The following FHIT variants were observed in gnomAD, a reference collection of about 807,000 sequenced individuals.
FHIT encodes fragile histidine triad diadenosine triphosphatase.
FHIT carries 19 observed loss-of-function variants against 17.9 expected under a neutral mutation model. That is an observed-to-expected ratio of 1.06 (90% CI 0.74 to 1.56). The LOEUF (loss-of-function observed/expected upper bound fraction) is 1.56, where lower values mean the gene tolerates loss of function less well. FHIT is among the 40% of genes most tolerant of loss of function. The pLI, the probability that FHIT is intolerant of heterozygous loss-of-function variation, is 0.00. For missense variants in FHIT, 248 were observed against 189.2 expected, an observed-to-expected ratio of 1.31 and a Z score of -1.82; for synonymous variants, 81 against 69.7, an observed-to-expected ratio of 1.16 and a Z score of -0.81.
At chr3:60,968,684 T>C (rs773199727) in intron 3 of FHIT, among the ~76,000 whole-genome samples, 1 of 152,198 alleles carries the variant, frequency 6.6e-6, no homozygotes, top group Non-Finnish European at 1.5e-5. Context: ...GTGCTGGGAA[T>C]ACAGGCCGCC....
chr3:60,510,253 G>T (rs2034898453), intron 5 of FHIT, among the ~76,000 whole-genome samples: 1 of 152,160 alleles, frequency 6.6e-6, no homozygotes, highest in African/African-American at 2.4e-5. Context: ...GTTAAGCCAG[G>T]ATTGATGGGT....
At chr3:59,995,251 CA>C (rs1021805972) in intron 7 of FHIT, among the ~76,000 whole-genome samples, 3 of 151,988 alleles carry the variant, frequency 2.0e-5, no homozygotes, top group African/African-American at 7.2e-5. Context: ...AAGTTAACTT[CA>C]AATTCAATTC....
intron 5 of FHIT, among the ~76,000 whole-genome samples, chr3:60,466,863 T>C (rs372819): frequency 1.3e-5 from 2 of 151,582 alleles, no homozygotes; most frequent in African/African-American, 2.4e-5. Context: ...GTCTGGTTTT[T>C]GTATCAGGGT....
At chr3:61,056,994 G>A (rs1167570562) in intron 2 of FHIT, among the ~76,000 whole-genome samples, 5 of 152,180 alleles carry the variant, frequency 3.3e-5, no homozygotes, top group African/African-American at 7.2e-5. Flanking sequence ...AGTAGGGGTG[G>A]AGTACATATG....
intron 3 of FHIT, among the ~76,000 whole-genome samples, chr3:60,950,144 T>C (rs1443197352): frequency 6.6e-6 from 1 of 152,206 alleles, no homozygotes; most frequent in Non-Finnish European, 1.5e-5. Flanking sequence ...TAGTATTCAG[T>C]AAAGTGATGC....
intron 5 of FHIT, among the ~76,000 whole-genome samples, chr3:60,017,194 T>C (rs1204597973): frequency 6.6e-6 from 1 of 152,122 alleles, no homozygotes; most frequent in Non-Finnish European, 1.5e-5. Context: ...CTGTTTTCAT[T>C]AAATAGAAGG....
intron 3 of FHIT, among the ~76,000 whole-genome samples, chr3:60,860,458 GTACATATATATGTATA>G (rs1703671635): frequency 8.5e-6 from 1 of 118,266 alleles, no homozygotes. Flanking sequence ...TGATACATAT[GTACATATATATGTATA>G]TATGATACAT....
chr3:60,012,607 C>T (rs1351188212), intron 6 of FHIT, among the ~76,000 whole-genome samples: 1 of 152,090 alleles, frequency 6.6e-6, no homozygotes. Flanking sequence ...TATTAGACTG[C>T]ACAGAATGAG....
intron 2 of FHIT, among the ~76,000 whole-genome samples, chr3:61,128,630 C>G (rs910000240): frequency 1.3e-5 from 2 of 152,174 alleles, no homozygotes; most frequent in African/African-American, 4.8e-5. Flanking sequence ...CCAAAAGCAG[C>G]AGCCATCATT....
intron 1 of FHIT, among the ~76,000 whole-genome samples, chr3:61,220,658 T>C (rs1205184089): frequency 6.6e-6 from 1 of 152,208 alleles, no homozygotes; most frequent in South Asian, 2.1e-4. Context: ...TCTTGTTCTA[T>C]ATTAAATCTA....
At chr3:59,993,213 G>T (rs577984431) in intron 7 of FHIT, among the ~76,000 whole-genome samples, 4 of 152,146 alleles carry the variant, frequency 2.6e-5, no homozygotes, top group Non-Finnish European at 5.9e-5. Flanking sequence ...ACGACATGTT[G>T]CCTCCTATTT....
In FHIT at chr3:59,749,262, T is replaced by C. The variant is rs916222734; in HGVS notation, c.*323A>G. 3.9e-5 allele frequency: 9 copies of C among 230,502 alleles called. No individual in the cohort carries two copies. The highest frequency in any genetic ancestry group is 1.2e-3 in the Middle Eastern group (1 of 802). The allele number at this position is 230,502 out of a possible 1,614,324, so 14.3% of individuals were successfully genotyped here. On this transcript the variant is annotated 3_prime_UTR_variant, in exon 10 of 10. Coordinates refer to ENST00000492590, the MANE Select transcript of FHIT (RefSeq NM_002012.4). The stretch of plus-strand genomic sequence containing the variant: ...TTTAAAAAAGTAACTGTAACTGTAA[T>C]AGGTTTGTTGCCTAATTCATGGCAA...
At chr3:59,758,093 G>T (rs73092694) in intron 8 of FHIT, among the ~76,000 whole-genome samples, 1 of 152,090 alleles carries the variant, frequency 6.6e-6, no homozygotes, top group Admixed American at 6.5e-5. Flanking sequence ...TGGGGCAGGG[G>T]GAGACAAAAT....
At chr3:60,391,709 A>G (rs1701241303) in intron 5 of FHIT, among the ~76,000 whole-genome samples, 1 of 152,222 alleles carries the variant, frequency 6.6e-6, no homozygotes, top group Non-Finnish European at 1.5e-5. Context: ...GGTTACACCC[A>G]TCTAGATTTG....
chr3:59,952,010 C>A, intron 7 of FHIT, among the ~76,000 whole-genome samples: 1 of 152,100 alleles, frequency 6.6e-6, no homozygotes, highest in Non-Finnish European at 1.5e-5. Context: ...CCAAATTCCT[C>A]CTAGGATGGC....
At chr3:60,822,904 T>A (rs1553739795) in intron 3 of FHIT, among the ~76,000 whole-genome samples, 1 of 152,212 alleles carries the variant, frequency 6.6e-6, no homozygotes, top group African/African-American at 2.4e-5. Context: ...CCTCTACCTC[T>A]GGGTTTCCTT....
intron 7 of FHIT, among the ~76,000 whole-genome samples, chr3:59,968,803 T>C (rs560434359): frequency 1.3e-5 from 2 of 152,202 alleles, no homozygotes; most frequent in Non-Finnish European, 2.9e-5. Context: ...GCGCTTGCTG[T>C]CAAATGCTTT....
At chr3:60,463,812 C>T (rs934916327) in intron 5 of FHIT, among the ~76,000 whole-genome samples, 4 of 152,202 alleles carry the variant, frequency 2.6e-5, no homozygotes, top group South Asian at 2.1e-4. Context: ...GAGACAATCA[C>T]AATATGTACC....
chr3:61,153,252 C>T (rs1034761871), intron 2 of FHIT, among the ~76,000 whole-genome samples: 2 of 151,788 alleles, frequency 1.3e-5, no homozygotes, highest in African/African-American at 2.4e-5. Flanking sequence ...TCCAAGTTGC[C>T]ATAAATTGAA....
Sources: gnomAD v4.1 joint callset for allele counts (sites outside exome capture counted in the v4.1 genomes callset) on GRCh38, gnomAD v4.1.1 for gene constraint, MANE v1.5 for transcripts, NCBI Gene and HGNC (gene_info 2026-07-23, HGNC 2026-07-21) for gene names.